The following ADGRB3 variants were observed in gnomAD, a reference collection of about 807,000 sequenced individuals.
ADGRB3 encodes brain-specific angiogenesis inhibitor 3.
A neutral mutation model predicts 193.4 loss-of-function variants in ADGRB3; 37 were observed. The ratio of observed to expected loss-of-function variants is 0.19; its 90% CI spans 0.15 to 0.25. ADGRB3 has a LOEUF of 0.25. ADGRB3 is among the 10% of genes least tolerant of loss of function. The pLI is 1.00. For synonymous variants in ADGRB3, 690 were observed against 644.2 expected, an observed-to-expected ratio of 1.07 and a Z score of -1.08; for missense variants, 1,637 against 1,852.9, an observed-to-expected ratio of 0.88 and a Z score of 2.14.
At chr6:69,331,511 A>G (rs987772434) in intron 23 of ADGRB3, 1 of 984,818 alleles carries the variant, frequency 1.0e-6, no homozygotes, top group Non-Finnish European at 1.2e-6. Context: ...TAATTCTGAT[A>G]TGTCTGTTTT....
At position 69,207,699 on chromosome 6, in the gene ADGRB3, C is replaced by G. The variant is rs535089186; in HGVS notation, c.2481-25591C>G. ...TTGTGGACTTCGAAAGGCCATTCCC[C>G]TTTTCTATCTATCCAGCTGCTTCAA... On this transcript the variant is annotated intron_variant, in intron 17 of 31. Transcript: ENST00000370598. 2.1e-3 allele frequency among the ~76,000 whole-genome samples: 320 copies of G among 152,306 alleles called. 2 individuals are homozygous for G. The highest frequency in any genetic ancestry group is 3.8e-3 in the Admixed American group (58 of 15,296).
chr6:69,167,941 A>G (rs1175740071), intron 17 of ADGRB3, among the ~76,000 whole-genome samples: 1 of 152,164 alleles, frequency 6.6e-6, no homozygotes, highest in Non-Finnish European at 1.5e-5. Flanking sequence ...GTGCCCAGGA[A>G]CAAAGAAATC....
Position 69,284,232 on chromosome 6 carries a change from C to T in ADGRB3, c.2815-40640C>T, listed in dbSNP as rs1326471542. On this transcript the variant is annotated intron_variant, in intron 20 of 31. Transcript: ENST00000370598. ...AGATTTTTCTTTGTTGCCCCTCATCCCCTTTTACCTTTCATCTCGTCCCTC... is the reference window on the plus strand; with the variant it reads ...AGATTTTTCTTTGTTGCCCCTCATCTCCTTTTACCTTTCATCTCGTCCCTC... Among the ~76,000 whole-genome samples, 4 of 152,190 alleles carry T rather than the reference C, an allele frequency of 2.6e-5. No individual in the cohort carries two copies. The South Asian group carries it at 6.2e-4, about 24-fold the overall frequency.
chr6:68,647,002 G>A (rs556174552), intron 3 of ADGRB3, among the ~76,000 whole-genome samples: 2 of 152,244 alleles, frequency 1.3e-5, no homozygotes, highest in South Asian at 4.1e-4. Flanking sequence ...ACTTTAAGAA[G>A]GATTTCCGTA....
At chr6:69,248,883 G>A (rs777013601) in intron 20 of ADGRB3, among the ~76,000 whole-genome samples, 2 of 152,216 alleles carry the variant, frequency 1.3e-5, no homozygotes, top group Non-Finnish European at 2.9e-5. Flanking sequence ...GTTAGCCTGT[G>A]TAGCCTGCAG....
chr6:69,024,943 T>A (rs1017781366), intron 13 of ADGRB3, among the ~76,000 whole-genome samples: 37 of 151,832 alleles, frequency 2.4e-4, no homozygotes, highest in African/African-American at 8.2e-4. Context: ...ATACAAAAAA[T>A]TAGCCGGGCG....
At chr6:69,166,884 CT>C in intron 17 of ADGRB3, among the ~76,000 whole-genome samples, 1 of 152,100 alleles carries the variant, frequency 6.6e-6, no homozygotes, top group African/African-American at 2.4e-5. Flanking sequence ...CCCTAGCTTT[CT>C]CTTTTCTATC....
intron 3 of ADGRB3, among the ~76,000 whole-genome samples, chr6:68,846,901 T>C (rs1768287952): frequency 1.3e-5 from 2 of 152,234 alleles, no homozygotes; most frequent in South Asian, 4.2e-4. Flanking sequence ...GCTTGCACCA[T>C]GCACCTAGAA....
chr6:69,371,556 AAAATTCT>A lies in ADGRB3; in HGVS notation c.4240-844_4240-838del, dbSNP rs1172189881. On this transcript the variant is annotated intron_variant, in intron 29 of 31. Coordinates refer to ENST00000370598, the MANE Select transcript of ADGRB3 (RefSeq NM_001704.3). ...CCTGTTTCATTCCCTCTCTCATCAAAAAATTCTAAATTTAAAAAATCTGTACTAAAAG... is the reference window on the plus strand; with the variant it reads ...CCTGTTTCATTCCCTCTCTCATCAAAAAATTTAAAAAATCTGTACTAAAAG... Among the ~76,000 whole-genome samples, 4 of 152,118 alleles carry A rather than the reference AAAATTCT, an allele frequency of 2.6e-5. No homozygotes were observed. In the East Asian group the frequency reaches 7.7e-4, roughly 29 times the overall value.
chr6:68,981,980 C>T (rs1056906939), intron 10 of ADGRB3, among the ~76,000 whole-genome samples: 2 of 151,590 alleles, frequency 1.3e-5, no homozygotes, highest in African/African-American at 2.4e-5. Flanking sequence ...CAGGTTCAAG[C>T]GATCAAGCGA....
intron 17 of ADGRB3, among the ~76,000 whole-genome samples, chr6:69,223,227 G>A (rs1334598974): frequency 6.6e-6 from 1 of 152,060 alleles, no homozygotes; most frequent in East Asian, 1.9e-4. Context: ...TTGTATGTAG[G>A]CAATGATGAA....
intron 28 of ADGRB3, among the ~76,000 whole-genome samples, chr6:69,357,733 A>G (rs1374070314): frequency 6.6e-6 from 1 of 151,970 alleles, no homozygotes; most frequent in African/African-American, 2.4e-5. Flanking sequence ...CAAAACAGTA[A>G]GGTAACTATC....
chr6:69,285,924 C>G (rs1285445517), intron 20 of ADGRB3, among the ~76,000 whole-genome samples: 2 of 151,922 alleles, frequency 1.3e-5, no homozygotes, highest in Non-Finnish European at 2.9e-5. Context: ...TTAGGTAAAA[C>G]AAAAGGTTTA....
At chr6:69,029,069 G>C (rs563527713) in intron 13 of ADGRB3, among the ~76,000 whole-genome samples, 5 of 152,138 alleles carry the variant, frequency 3.3e-5, no homozygotes, top group Admixed American at 2.6e-4. Flanking sequence ...CTTGGTAATT[G>C]AAAGTCAAAG....
At chr6:68,828,364 T>C (rs1414072837) in intron 3 of ADGRB3, among the ~76,000 whole-genome samples, 5 of 152,172 alleles carry the variant, frequency 3.3e-5, no homozygotes, top group African/African-American at 1.2e-4. Context: ...AAGGACAAAA[T>C]GTGTTCATAC....
chr6:68,905,632 A>G (rs1300209645), intron 3 of ADGRB3, among the ~76,000 whole-genome samples: 4 of 152,142 alleles, frequency 2.6e-5, no homozygotes, highest in Non-Finnish European at 4.4e-5. Flanking sequence ...AGGCTGGTCC[A>G]TGACCTCCAT....
At chr6:68,858,841 G>A (rs518704) in intron 3 of ADGRB3, among the ~76,000 whole-genome samples, 1 of 151,858 alleles carries the variant, frequency 6.6e-6, no homozygotes, top group African/African-American at 2.4e-5. Flanking sequence ...CAAAACCATT[G>A]TTTTCTCCTG....
Position 68,936,623 on chromosome 6 carries a change from C to G in ADGRB3, c.973C>G (p.His325Asp). The change falls in exon 5 of 32, where the codon CAC (histidine) becomes GAC (aspartate). Residue 325 changes from histidine (H) to aspartate (D), a missense_variant. Physicochemically the swap from His to Asp is moderately conservative, Grantham distance 81. Around this residue, in one of 7 missense-constraint regions of ADGRB3, gnomAD observed 365 missense variants for 409.8 expected, o/e 0.89. Coordinates refer to ENST00000370598, the MANE Select transcript of ADGRB3 (RefSeq NM_001704.3). ...AACTTGTGTATCACCTTACGGGACA[C>G]ACTGCAGCGGCCCATTAAGAGAATC... ...TRTCVSPYGTHCSGPLRESRV... is the reference protein window; with the variant it reads ...TRTCVSPYGTDCSGPLRESRV... 1 of 1,613,922 alleles carries G rather than the reference C, an allele frequency of 6.2e-7. No individual in the cohort carries two copies. The highest frequency in any genetic ancestry group is 8.5e-7 in the Non-Finnish European group (1 of 1,179,954).
intron 15 of ADGRB3, among the ~76,000 whole-genome samples, chr6:69,051,640 C>T (rs1028379651): frequency 1.3e-5 from 2 of 152,152 alleles, no homozygotes; most frequent in Non-Finnish European, 2.9e-5. Context: ...ACTAAGTACC[C>T]TCGAGCTTGT....
Sources: gnomAD v4.1 joint callset for allele counts (sites outside exome capture counted in the v4.1 genomes callset) on GRCh38, gnomAD v4.1.1 for gene constraint, gnomAD v4.1.1 regional missense constraint, MANE v1.5 for transcripts, NCBI Gene and HGNC (gene_info 2026-07-23, HGNC 2026-07-21) for gene names.